Variants in USP31 observed in about 807,000 individuals in gnomAD.
USP31 encodes the protein ubiquitin specific peptidase 31, also known as ubiquitin carboxyl-terminal hydrolase 31.
USP31 carries 44 observed loss-of-function variants against 119.4 expected under a neutral mutation model. The observed-to-expected ratio is 0.37, with a 90% confidence interval of 0.29 to 0.47. USP31 has a LOEUF of 0.47. Among genes scored for constraint, USP31 ranks in the 20% least tolerant of loss-of-function variants. The pLI is 0.99. For missense variants in USP31, 1,643 were observed against 1,730.2 expected (o/e 0.95, Z 0.89); for synonymous variants, 749 against 705.6 (o/e 1.06, Z -0.97).
intron 11 of USP31, among the ~76,000 whole-genome samples, chr16:23,084,358 G>A (rs534037822): frequency 2.6e-5 from 4 of 152,220 alleles, no homozygotes; most frequent in African/African-American, 7.2e-5. Flanking sequence ...CTATATCTAC[G>A]CTGTTCAATA....
chr16:23,141,647 G>C (rs1903356050), intron 1 of USP31, among the ~76,000 whole-genome samples: 1 of 152,178 alleles, frequency 6.6e-6, no homozygotes, highest in African/African-American at 2.4e-5. Flanking sequence ...AAAGTGCTGG[G>C]ATTACAGGCA....
intron 6 of USP31, among the ~76,000 whole-genome samples, chr16:23,100,001 G>T (rs1156684567): frequency 6.6e-6 from 1 of 152,124 alleles, no homozygotes; most frequent in Non-Finnish European, 1.5e-5. Context: ...CACTACAATA[G>T]CTAAAATTAA....
chr16:23,104,970 G>A (rs971021292), intron 5 of USP31, among the ~76,000 whole-genome samples: 1 of 152,160 alleles, frequency 6.6e-6, no homozygotes, highest in Non-Finnish European at 1.5e-5. Flanking sequence ...TGGTCCAGCC[G>A]TAATGAGAAA....
Position 23,090,582 on chromosome 16 carries a change from G to A in USP31, c.1415+42C>T, listed in dbSNP as rs1331774150. 2.6e-6 allele frequency: 4 copies of A among 1,516,898 alleles called. No homozygotes were observed. The Admixed American group carries it at 5.5e-5, about 21-fold the overall frequency. 94.0% of individuals were successfully genotyped at this position (1,516,898 alleles called of 1,614,324 possible). ...TTAACATGTTTGAAAATACTGAACTGTTACAGTCTAGGTACTTACTGGAAA... is the reference window on the plus strand; with the variant it reads ...TTAACATGTTTGAAAATACTGAACTATTACAGTCTAGGTACTTACTGGAAA... On this transcript the variant is annotated intron_variant, in intron 7 of 15. Coordinates refer to ENST00000219689, the MANE Select transcript of USP31 (RefSeq NM_020718.4).
chr16:23,072,362 G>A (rs540108809), intron 14 of USP31, 165 bp from the exon 15 acceptor site: 7 of 882,448 alleles, frequency 7.9e-6, no homozygotes, highest in South Asian at 3.0e-5. Flanking sequence ...GTGCCTGTCC[G>A]AATATCCCCA....
rs923002231 is a variant in USP31 at position 23,064,155 on chromosome 16, T to G, written c.*3891A>C. Reference sequence around the variant, plus strand: ...TTTTATTGAAACTGTGCTTATGACTTGCATACTATTTCAAAAATCCAACCC... The same window carrying G: ...TTTTATTGAAACTGTGCTTATGACTGGCATACTATTTCAAAAATCCAACCC... On this transcript the variant is annotated 3_prime_UTR_variant, in exon 16 of 16. Coordinates refer to ENST00000219689, the MANE Select transcript of USP31 (RefSeq NM_020718.4). 2.6e-5 allele frequency: 4 copies of G among 152,660 alleles called. No individual in the cohort carries two copies. The highest frequency in any genetic ancestry group is 9.6e-5 in the African/African-American group (4 of 41,468). The allele number at this position is 152,660 out of a possible 1,614,324, so 9.5% of individuals were successfully genotyped here.
intron 2 of USP31, among the ~76,000 whole-genome samples, chr16:23,106,781 C>G (rs970986387): frequency 6.6e-6 from 1 of 152,090 alleles, no homozygotes; most frequent in African/African-American, 2.4e-5. Flanking sequence ...AGCCCCCATC[C>G]CAATCTCCTC....
intron 1 of USP31, among the ~76,000 whole-genome samples, chr16:23,142,013 A>G (rs1449435035): frequency 6.6e-6 from 1 of 152,230 alleles, no homozygotes; most frequent in Non-Finnish European, 1.5e-5. Flanking sequence ...CTTCTCTATA[A>G]GCAGCTAAGT....
Position 23,082,158 on chromosome 16 carries a change from A to G in USP31, c.1950+280T>C, listed in dbSNP as rs117694700. ...TCTACCTCCCCCAGAAAGGATCTCT[A>G]CTTAGTTCTTTTTAAATCCCAGAGT... On this transcript the variant is annotated intron_variant, in intron 12 of 15. Coordinates refer to ENST00000219689, the MANE Select transcript of USP31 (RefSeq NM_020718.4). Among the ~76,000 whole-genome samples, 4 of 152,360 alleles carry G rather than the reference A, an allele frequency of 2.6e-5. No homozygotes were observed. In the East Asian group the frequency reaches 5.8e-4, roughly 22 times the overall value.
Position 23,149,363 on chromosome 16 carries a change from C to G in USP31, c.-93G>C, listed in dbSNP as rs1388428730. ...CGCATCCCGCAGCGCCGCGCCTCACCGGGCCCGGGGGCTCGACGCCCCACA... is the reference window on the plus strand; with the variant it reads ...CGCATCCCGCAGCGCCGCGCCTCACGGGGCCCGGGGGCTCGACGCCCCACA... On this transcript the variant is annotated 5_prime_UTR_variant, in exon 1 of 16. Coordinates refer to ENST00000219689, the MANE Select transcript of USP31 (RefSeq NM_020718.4). The G allele has an allele frequency of 1.0e-6, 1 of 991,708 alleles. No homozygotes were observed. Among genetic ancestry groups the G allele is most frequent in the East Asian group, 1.1e-4 (1 of 9,016 alleles). The allele number at this position is 991,708 out of a possible 1,614,324, so 61.4% of individuals were successfully genotyped here.
chr16:23,142,645 C>G (rs2141904836), intron 1 of USP31, among the ~76,000 whole-genome samples: 1 of 152,278 alleles, frequency 6.6e-6, no homozygotes, highest in South Asian at 2.1e-4. Flanking sequence ...GTTCCCACAT[C>G]CTGAAAGGCT....
rs1249566233 is a variant in USP31 at position 23,100,923 on chromosome 16, CAG to C, written c.1234+1394_1234+1395del. ...AAAAGCACATGGCATGTCTGAGAAACAGAGTAACCTGAAAGAGAAGAACCGAG... is the reference window on the plus strand; with the variant it reads ...AAAAGCACATGGCATGTCTGAGAAACAGTAACCTGAAAGAGAAGAACCGAG... On this transcript the variant is annotated intron_variant, in intron 6 of 15. Coordinates refer to ENST00000219689, the MANE Select transcript of USP31 (RefSeq NM_020718.4). Among the ~76,000 whole-genome samples the C allele has an allele frequency of 2.6e-5, 4 of 152,102 alleles. No individual in the cohort carries two copies. In the East Asian group the frequency reaches 7.8e-4, roughly 30 times the overall value.
At position 23,068,611 on chromosome 16, in the gene USP31, G is replaced by A. The variant is rs1420266280; in HGVS notation, c.3494C>T (p.Ser1165Phe). Residue 1165 changes from serine (S) to phenylalanine (F), a missense_variant, in exon 16 of 16, where the codon TCT (serine) becomes TTT (phenylalanine). Physicochemically the swap from Ser to Phe is radical, Grantham distance 155. Coordinates refer to ENST00000219689, the MANE Select transcript of USP31 (RefSeq NM_020718.4). The part of the protein sequence containing the change: ...SREGSRQSLG[S>F]DRASATSTSK... ...GGTGGAGGTGGCGCTGGCTCTGTCAGAACCCAAGCTTTGTCTGGAGCCCTC... is the reference window on the plus strand; with the variant it reads ...GGTGGAGGTGGCGCTGGCTCTGTCAAAACCCAAGCTTTGTCTGGAGCCCTC... The A allele has an allele frequency of 6.2e-7, 1 of 1,614,216 alleles. No homozygotes were observed. The highest frequency in any genetic ancestry group is 1.1e-5 in the South Asian group (1 of 91,084).
At chr16:23,143,432 T>C (rs1043060288) in intron 1 of USP31, among the ~76,000 whole-genome samples, 2 of 152,116 alleles carry the variant, frequency 1.3e-5, no homozygotes, top group East Asian at 1.9e-4. Context: ...TAAAATGGCA[T>C]ATTATGTATT....
intron 5 of USP31, among the ~76,000 whole-genome samples, chr16:23,103,147 C>A (rs763151828): frequency 1.3e-5 from 2 of 152,096 alleles, no homozygotes; most frequent in Non-Finnish European, 2.9e-5. Context: ...GTCTAACCTC[C>A]GTTTCACTGA....
chr16:23,107,318 C>A (rs1398543490), intron 2 of USP31, among the ~76,000 whole-genome samples: 2 of 152,126 alleles, frequency 1.3e-5, no homozygotes, highest in Non-Finnish European at 2.9e-5. Flanking sequence ...GATAATAAGA[C>A]CCAGTGCCTG....
intron 11 of USP31, among the ~76,000 whole-genome samples, chr16:23,082,876 G>C (rs1027527100): frequency 1.5e-5 from 2 of 137,602 alleles, no homozygotes; most frequent in Non-Finnish European, 3.1e-5. Flanking sequence ...TATCACCCAG[G>C]CTGGAGTACA....
At chr16:23,082,649 T>C in intron 11 of USP31, 92 bp from the exon 12 acceptor site, 1 of 1,545,990 alleles carries the variant, frequency 6.5e-7, no homozygotes, top group South Asian at 1.2e-5. Context: ...ATGGTGCAAC[T>C]CAAAATCTCT....
At chr16:23,114,921 G>A (rs1902443544) in intron 1 of USP31, among the ~76,000 whole-genome samples, 1 of 152,076 alleles carries the variant, frequency 6.6e-6, no homozygotes, top group Non-Finnish European at 1.5e-5. Flanking sequence ...ATACTCCCCA[G>A]ACAAAACAAA....
Sources: allele counts gnomAD v4.1 joint callset (sites outside exome capture counted in the v4.1 genomes callset), GRCh38; gene constraint gnomAD v4.1.1; transcripts MANE v1.5; gene names NCBI Gene and HGNC (gene_info 2026-07-23, HGNC 2026-07-21).